SLC35F3: variants seen among roughly 807,000 people sequenced by gnomAD.
SLC35F3 encodes solute carrier family 35 member F3, also known as putative thiamine transporter SLC35F3.
Under a neutral mutation model 49.9 loss-of-function variants are expected in SLC35F3, and 25 were observed. The observed-to-expected ratio is 0.50, with a 90% CI of 0.37 to 0.70. The LOEUF (loss-of-function observed/expected upper bound fraction) is 0.70, where lower values mean the gene tolerates loss of function less well. SLC35F3 is among the 30% of genes least tolerant of loss of function. The pLI, the probability that SLC35F3 is intolerant of heterozygous loss-of-function variation, is 0.00. For synonymous variants in SLC35F3, 275 were observed against 265.4 expected (o/e 1.04, Z -0.35); for missense variants, 525 against 639.8 (o/e 0.82, Z 1.94).
chr1:234,004,359 G>C (rs1469900733), intron 2 of SLC35F3, among the ~76,000 whole-genome samples: 1 of 152,100 alleles, frequency 6.6e-6, no homozygotes, highest in Non-Finnish European at 1.5e-5. Flanking sequence ...ATATTTCTCA[G>C]TTAAAAGGCA....
intron 2 of SLC35F3, among the ~76,000 whole-genome samples, chr1:234,130,407 G>A (rs553337076): frequency 1.1e-4 from 17 of 151,658 alleles, no homozygotes; most frequent in African/African-American, 1.9e-4. Flanking sequence ...TTGGGAGGCC[G>A]AGGCGGGCAG....
At chr1:234,177,559 T>C (rs1666495390) in intron 2 of SLC35F3, among the ~76,000 whole-genome samples, 1 of 152,184 alleles carries the variant, frequency 6.6e-6, no homozygotes, top group Non-Finnish European at 1.5e-5. Context: ...AAAGACCACA[T>C]AAAGACGGCT....
chr1:234,292,846 C>A (rs2102986633), intron 3 of SLC35F3, among the ~76,000 whole-genome samples: 1 of 152,302 alleles, frequency 6.6e-6, no homozygotes, highest in East Asian at 1.9e-4. Context: ...AGGCCTGGGC[C>A]TCTCCTCCAG....
At chr1:234,227,460 G>T (rs1397874528) in intron 2 of SLC35F3, among the ~76,000 whole-genome samples, 1 of 143,376 alleles carries the variant, frequency 7.0e-6, no homozygotes, top group African/African-American at 2.5e-5. Flanking sequence ...GTCCAGTGGC[G>T]CAATCTCGGC....
At chr1:234,206,047 G>A (rs1052148900) in intron 2 of SLC35F3, among the ~76,000 whole-genome samples, 11 of 152,130 alleles carry the variant, frequency 7.2e-5, no homozygotes, top group African/African-American at 2.7e-4. Context: ...ATGTTATAGG[G>A]ATGAGGGGCA....
At chr1:233,905,808 C>G (rs748812767) in intron 2 of SLC35F3, 50 bp downstream of exon 2, 1 of 1,516,988 alleles carries the variant, frequency 6.6e-7, no homozygotes, top group Non-Finnish European at 9.0e-7. Context: ...ATCTTCTTAC[C>G]ATTGTCACAG....
intron 2 of SLC35F3, among the ~76,000 whole-genome samples, chr1:234,119,999 C>T (rs768114889): frequency 8.5e-5 from 13 of 152,188 alleles, no homozygotes; most frequent in Admixed American, 5.9e-4. Flanking sequence ...CTTCATGGCA[C>T]CTTCCACTGT....
chr1:234,281,830 T>TA (rs570606960), intron 3 of SLC35F3, among the ~76,000 whole-genome samples: 43 of 152,168 alleles, frequency 2.8e-4, no homozygotes, highest in African/African-American at 9.4e-4. Flanking sequence ...GACTTCTGTT[T>TA]ACTTTGTCTC....
chr1:233,923,921 G>C (rs780721616), intron 2 of SLC35F3, among the ~76,000 whole-genome samples: 3 of 152,166 alleles, frequency 2.0e-5, no homozygotes, highest in African/African-American at 7.2e-5. Context: ...TTTGTCGATG[G>C]TTCTGTTTAA....
Position 234,214,744 on chromosome 1 carries a change from T to C in SLC35F3, c.284-16673T>C. The C allele has an allele frequency of 1.1e-6, 1 of 901,062 alleles. No homozygotes were observed. Among genetic ancestry groups the C allele is most frequent in the Non-Finnish European group, 1.6e-6 (1 of 644,704 alleles). 55.8% of individuals were successfully genotyped at this position (901,062 alleles called of 1,614,324 possible). On this transcript the variant is annotated intron_variant, in intron 2 of 7. Coordinates refer to ENST00000366618, the MANE Select transcript of SLC35F3 (RefSeq NM_173508.4). This position sits in a 1 kb window ranked among gnomAD's most constrained non-coding sequence, Gnocchi z 8.0. Reference sequence around the variant, plus strand: ...GCCTGCGTGGGGGGATCTGGCAGCTTCAGGGGCTGCCCTGAGCTCCCTGGC... The same window carrying C: ...GCCTGCGTGGGGGGATCTGGCAGCTCCAGGGGCTGCCCTGAGCTCCCTGGC...
chr1:234,253,977 A>G (rs894785484), intron 3 of SLC35F3, among the ~76,000 whole-genome samples: 3 of 152,248 alleles, frequency 2.0e-5, no homozygotes, highest in Admixed American at 6.5e-5. Context: ...TGCCTCTCAC[A>G]TGGGGATCCT....
chr1:233,941,962 G>GTTTTT (rs547024039), intron 2 of SLC35F3, among the ~76,000 whole-genome samples: 1 of 118,912 alleles, frequency 8.4e-6, no homozygotes, highest in Non-Finnish European at 1.8e-5. Flanking sequence ...TTGTTTTTTT[G>GTTTTT]TTTTTTTTTT....
At chr1:233,999,523 G>A (rs973392190) in intron 2 of SLC35F3, among the ~76,000 whole-genome samples, 4 of 152,094 alleles carry the variant, frequency 2.6e-5, no homozygotes, top group African/African-American at 9.7e-5. Context: ...CTGCTTTGCC[G>A]GACTGTTTGC....
chr1:234,053,060 A>G (rs1459643436), intron 2 of SLC35F3, among the ~76,000 whole-genome samples: 2 of 152,150 alleles, frequency 1.3e-5, no homozygotes. Flanking sequence ...ACTTCCAACT[A>G]TGTGGTCAAT....
chr1:234,312,112 T>C (rs1188530326), intron 4 of SLC35F3, among the ~76,000 whole-genome samples: 1 of 152,184 alleles, frequency 6.6e-6, no homozygotes, highest in African/African-American at 2.4e-5. Context: ...GGCAGTTTAA[T>C]GTGGCAAAAG....
At chr1:234,116,312 C>T (rs1271499005) in intron 2 of SLC35F3, among the ~76,000 whole-genome samples, 1 of 152,084 alleles carries the variant, frequency 6.6e-6, no homozygotes, top group Non-Finnish European at 1.5e-5. Context: ...ACCTATGGCC[C>T]TTACAGCTCA....
At chr1:233,987,994 C>T (rs2102825585) in intron 2 of SLC35F3, among the ~76,000 whole-genome samples, 1 of 152,212 alleles carries the variant, frequency 6.6e-6, no homozygotes, top group Middle Eastern at 3.4e-3. Context: ...TGGTCTTCTG[C>T]CTTCTTCATT....
intron 7 of SLC35F3, 122 bp from the exon 8 acceptor site, chr1:234,322,886 T>TGTGG: frequency 1.3e-6 from 1 of 778,400 alleles, no homozygotes; most frequent in East Asian, 2.7e-5. Flanking sequence ...AGGAGAATCC[T>TGTGG]GTGGTCCAGG....
rs537845592 is a variant in SLC35F3, at chr1:234,228,452, A to C, written c.284-2965A>C. On this transcript the variant is annotated intron_variant, in intron 2 of 7. Coordinates refer to ENST00000366618, the MANE Select transcript of SLC35F3 (RefSeq NM_173508.4). ...TTCGTCACTCTGACATAGACTGTCC[A>C]TTCCTGAAAGATGGTAATCATGCTT... 2.4e-3 allele frequency among the ~76,000 whole-genome samples: 367 copies of C among 152,340 alleles called. 1 individual carries two copies. Among genetic ancestry groups the C allele is most frequent in the Non-Finnish European group, 4.0e-3 (272 of 68,030 alleles).
Sources: gnomAD v4.1 joint callset for allele counts (sites outside exome capture counted in the v4.1 genomes callset) on GRCh38, gnomAD v4.1.1 for gene constraint, Gnocchi (gnomAD v3.1) non-coding constraint, MANE v1.5 for transcripts, NCBI Gene and HGNC (gene_info 2026-07-23, HGNC 2026-07-21) for gene names.